RGP1: variants seen among roughly 807,000 people sequenced by gnomAD.
RGP1 encodes RAB6A-GEF complex partner protein 2.
Under a neutral mutation model 44.5 loss-of-function variants are expected in RGP1, and 28 were observed. That is an observed-to-expected ratio of 0.63 (90% CI 0.47 to 0.86). The LOEUF (loss-of-function observed/expected upper bound fraction) is 0.86, where lower values mean the gene tolerates loss of function less well. Among genes scored for constraint, RGP1 ranks in the 40% least tolerant of loss-of-function variants. The pLI is 0.00. For missense variants in RGP1, 417 were observed against 490.7 expected, an observed-to-expected ratio of 0.85 and a Z score of 1.42; for synonymous variants, 212 against 196.7, an observed-to-expected ratio of 1.08 and a Z score of -0.65.
In RGP1 at chr9:35,755,323, G is replaced by A. The variant is rs1277656202; in HGVS notation, c.*2449G>A. 1 of 152,206 alleles carries A rather than the reference G, an allele frequency of 6.6e-6. No individual in the cohort carries two copies. Among genetic ancestry groups the A allele is most frequent in the African/African-American group, 2.4e-5 (1 of 41,418 alleles). 9.4% of individuals were successfully genotyped at this position (152,206 alleles called of 1,614,324 possible). On this transcript the variant is annotated 3_prime_UTR_variant, in exon 9 of 9. Coordinates refer to ENST00000378078, the MANE Select transcript of RGP1 (RefSeq NM_001080496.3). ...CAGGAAATAGCAGTTGCTGTGATTGGGGCTAAAGCTCTGAGGCAAAATGGG... is the reference window on the plus strand; with the variant it reads ...CAGGAAATAGCAGTTGCTGTGATTGAGGCTAAAGCTCTGAGGCAAAATGGG...
At chr9:35,789,024 C>T in the RGP1 span, among the ~76,000 whole-genome samples, 2 of 151,556 alleles carry the variant, frequency 1.3e-5, no homozygotes, top group African/African-American at 4.8e-5. Flanking sequence ...TTTTCTTTTC[C>T]TTTCTTTCTT....
chr9:35,770,260 T>G, the RGP1 span, among the ~76,000 whole-genome samples: 2 of 152,312 alleles, frequency 1.3e-5, no homozygotes, highest in South Asian at 2.1e-4. Context: ...TGAGCACCTA[T>G]GTGGATGATA....
chr9:35,765,425 A>G, the RGP1 span, among the ~76,000 whole-genome samples: 56 of 152,158 alleles, frequency 3.7e-4, 1 homozygote, highest in Non-Finnish European at 2.9e-4. Context: ...GGGAGGCCAA[A>G]GCAGGCAGAC....
the RGP1 span, among the ~76,000 whole-genome samples, chr9:35,783,716 A>G: frequency 8.5e-5 from 13 of 152,156 alleles, no homozygotes; most frequent in Non-Finnish European, 1.6e-4. Context: ...GGTTGATTCC[A>G]TATCTTGGCT....
At chr9:35,763,580 G>T (rs1239902645), downstream of RGP1, among the ~76,000 whole-genome samples, 4 of 152,072 alleles carry the variant, frequency 2.6e-5, no homozygotes, top group Non-Finnish European at 4.4e-5. Context: ...TATAGAAATT[G>T]CCTGGAAGAA....
At chr9:35,779,199 C>G in the RGP1 span, among the ~76,000 whole-genome samples, 1 of 152,032 alleles carries the variant, frequency 6.6e-6, no homozygotes, top group African/African-American at 2.4e-5. Flanking sequence ...CAGAAGTGGC[C>G]CTGCAACTTC....
the RGP1 span, among the ~76,000 whole-genome samples, chr9:35,777,840 T>C: frequency 6.6e-6 from 1 of 152,214 alleles, no homozygotes; most frequent in Non-Finnish European, 1.5e-5. Context: ...TTAAAAGAAA[T>C]CCCATCTTTC....
chr9:35,779,132 A>G, the RGP1 span, among the ~76,000 whole-genome samples: 3 of 152,200 alleles, frequency 2.0e-5, no homozygotes, highest in Non-Finnish European at 2.9e-5. Flanking sequence ...TGCACGTTCT[A>G]GAGAGAGTTG....
chr9:35,786,767 T>C, the RGP1 span: 10 of 152,166 alleles, frequency 6.6e-5, no homozygotes, highest in African/African-American at 2.4e-4. Flanking sequence ...AAAACATATA[T>C]CTATTCAGGT....
At chr9:35,752,581 C>G in intron 8 of RGP1, 70 bp from the exon 9 acceptor site, 2 of 1,264,288 alleles carry the variant, frequency 1.6e-6, no homozygotes, top group Non-Finnish European at 2.3e-6. Context: ...CATTCACTAA[C>G]TATATCCTGT....
At chr9:35,759,222 G>A (rs1275359917), downstream of RGP1, among the ~76,000 whole-genome samples, 2 of 152,252 alleles carry the variant, frequency 1.3e-5, no homozygotes, top group East Asian at 3.9e-4. Context: ...GCCACACACT[G>A]TATAGTGAAT....
chr9:35,789,867 G>T, the RGP1 span, among the ~76,000 whole-genome samples: 1 of 152,124 alleles, frequency 6.6e-6, no homozygotes. Context: ...AAGCCATGTG[G>T]GATTGGGGGA....
the RGP1 span, among the ~76,000 whole-genome samples, chr9:35,775,364 G>A: frequency 6.6e-6 from 1 of 152,184 alleles, no homozygotes; most frequent in Non-Finnish European, 1.5e-5. Context: ...CTGTGGGAAG[G>A]AGGGGAAGTG....
chr9:35,759,140 G>A (rs771328845), downstream of RGP1, among the ~76,000 whole-genome samples: 1 of 152,102 alleles, frequency 6.6e-6, no homozygotes, highest in African/African-American at 2.4e-5. Flanking sequence ...CTCTCCCAAC[G>A]TTTTGCATCC....
the RGP1 span, among the ~76,000 whole-genome samples, chr9:35,765,175 A>G: frequency 6.6e-6 from 1 of 151,520 alleles, no homozygotes; most frequent in Admixed American, 6.6e-5. Context: ...AATTCATTGT[A>G]TGGACATACA....
chr9:35,783,557 A>G, the RGP1 span, among the ~76,000 whole-genome samples: 3 of 151,922 alleles, frequency 2.0e-5, no homozygotes, highest in African/African-American at 7.3e-5. Context: ...TAGATTCCAC[A>G]TATGAGTGAG....
chr9:35,773,687 A>G, the RGP1 span, among the ~76,000 whole-genome samples: 1 of 152,058 alleles, frequency 6.6e-6, no homozygotes, highest in African/African-American at 2.4e-5. Flanking sequence ...TTTTTAGTAG[A>G]GATGGGGTTT....
rs1827207310 is a variant in RGP1, at chr9:35,749,935, G to A, written c.116+64G>A. The A allele has an allele frequency of 1.6e-6, 2 of 1,268,202 alleles. No homozygotes were observed. The highest frequency in any genetic ancestry group is 2.5e-5 in the South Asian group (2 of 81,554). 78.6% of individuals were successfully genotyped at this position (1,268,202 alleles called of 1,614,324 possible). A position where few individuals can be genotyped will look rare whatever the true frequency, so the allele number is the denominator to read the frequency against. On this transcript the variant is annotated intron_variant, in intron 2 of 8. Coordinates refer to ENST00000378078, the MANE Select transcript of RGP1 (RefSeq NM_001080496.3). This position sits in a 1 kb window ranked among gnomAD's most constrained non-coding sequence, Gnocchi z 4.4. ...AAGAAGCCAGATTATCTCTGGGGCT[G>A]AGGCAGAGCTCAGGTTGTCCTGTAG...
chr9:35,750,311 T>C lies in RGP1; in HGVS notation c.185T>C (p.Leu62Pro), dbSNP rs1441699388. The change falls in exon 3 of 9, where the codon CTG becomes CCG. Residue 62 changes from leucine to proline, a missense_variant. Transcript: ENST00000378078. ...QFHASESRVA[L>P]PPPDSSQPDV... is the part of the protein sequence containing the mutation. Reference sequence around the variant, plus strand: ...CATGCCAGTGAGAGTCGAGTAGCACTGCCTCCTCCTGACTCTAGTCAGCCA... The same window carrying C: ...CATGCCAGTGAGAGTCGAGTAGCACCGCCTCCTCCTGACTCTAGTCAGCCA... 6.2e-7 allele frequency: 1 copy of C among 1,613,850 alleles called. No homozygotes were observed. Among genetic ancestry groups the C allele is most frequent in the African/African-American group, 1.3e-5 (1 of 74,934 alleles).
Sources: gnomAD v4.1 joint callset for allele counts (sites outside exome capture counted in the v4.1 genomes callset) on GRCh38, gnomAD v4.1.1 for gene constraint, Gnocchi (gnomAD v3.1) non-coding constraint, MANE v1.5 for transcripts, NCBI Gene and HGNC (gene_info 2026-07-23, HGNC 2026-07-21) for gene names.